The following CAPN8 variants were observed in gnomAD, a reference collection of about 807,000 sequenced individuals.
CAPN8 encodes calpain 8, also known as calpain-8.
CAPN8 carries 87 observed loss-of-function variants against 80.9 expected under a neutral mutation model. The observed-to-expected ratio is 1.07, with a 90% CI of 0.90 to 1.28. CAPN8 has a LOEUF of 1.28. Ranked by LOEUF, CAPN8 falls within the 50% of genes most tolerant of loss-of-function variation. The pLI is 0.00. For synonymous variants in CAPN8, 299 were observed against 273.8 expected, an observed-to-expected ratio of 1.09 and a Z score of -0.91; for missense variants, 757 against 702.0, an observed-to-expected ratio of 1.08 and a Z score of -0.89.
chr1:223,618,174 G>C, intron 9 of CAPN8: 1 of 1,521,802 alleles, frequency 6.6e-7, no homozygotes, highest in Non-Finnish European at 8.9e-7. Flanking sequence ...GAGGTGAAAA[G>C]TAGAGAGAGC....
At position 223,616,136 on chromosome 1, in the gene CAPN8, C is replaced by G. The variant is rs964681738; in HGVS notation, c.1145G>C (p.Trp382Ser). The G allele has an allele frequency of 4.5e-6, 7 of 1,546,660 alleles. No individual in the cohort carries two copies. In the Admixed American group the frequency reaches 1.2e-4, roughly 26 times the overall value. The stretch of plus-strand genomic sequence containing the variant: ...ACGGATTTTGAACTGGGGATTGGTC[C>G]AGTACGTGGCTGGAAGTCACCCAGG... ...GGCQNYPATYWTNPQFKIRLD... is the reference protein window; with the variant it reads ...GGCQNYPATYSTNPQFKIRLD... Residue 382 changes from tryptophan (W) to serine (S), a missense_variant, in exon 10 of 21, where the codon TGG becomes TCG. Trp to Ser is a radical substitution (Grantham distance 177, BLOSUM62 -3). Coordinates refer to ENST00000366872, the MANE Select transcript of CAPN8 (RefSeq NM_001143962.2).
intron 10 of CAPN8, among the ~76,000 whole-genome samples, chr1:223,614,123 G>A (rs1170634089): frequency 2.6e-5 from 4 of 152,168 alleles, no homozygotes; most frequent in Non-Finnish European, 5.9e-5. Context: ...GCCTGGCTGA[G>A]TGCAGTGGCT....
intron 20 of CAPN8, among the ~76,000 whole-genome samples, chr1:223,542,764 A>G (rs1456907509): frequency 1.3e-5 from 2 of 152,120 alleles, no homozygotes; most frequent in Non-Finnish European, 2.9e-5. Flanking sequence ...TGTTTCCTAC[A>G]TCCTTCCATA....
At chr1:223,545,336 T>G (rs957650083) in intron 16 of CAPN8, 37 bp from the exon 17 acceptor site, 3 of 1,551,406 alleles carry the variant, frequency 1.9e-6, no homozygotes, top group Non-Finnish European at 8.7e-7. Flanking sequence ...TGAGTCCAAA[T>G]TCTACATGCC....
chr1:223,625,765 T>G (rs776218517), intron 6 of CAPN8, 40 bp downstream of exon 6: 1 of 1,490,112 alleles, frequency 6.7e-7, no homozygotes, highest in Non-Finnish European at 9.2e-7. Flanking sequence ...CATGGAAATA[T>G]TATCACACGT....
intron 6 of CAPN8, 55 bp from the exon 7 acceptor site, chr1:223,622,955 C>CA: frequency 7.2e-7 from 1 of 1,385,212 alleles, no homozygotes; most frequent in Non-Finnish European, 1.0e-6. Context: ...TGTTGCCTTG[C>CA]AGGCATGTCT....
At chr1:223,637,943 A>G (rs915946000) in intron 2 of CAPN8, among the ~76,000 whole-genome samples, 11 of 152,184 alleles carry the variant, frequency 7.2e-5, no homozygotes, top group Non-Finnish European at 1.6e-4. Context: ...TTATTGTGCA[A>G]GATCATCTGA....
At chr1:223,615,433 G>A (rs979274469) in intron 10 of CAPN8, among the ~76,000 whole-genome samples, 3 of 152,226 alleles carry the variant, frequency 2.0e-5, no homozygotes, top group South Asian at 2.1e-4. Flanking sequence ...GGACTGCAGC[G>A]TGAGCCCAGA....
intron 2 of CAPN8, among the ~76,000 whole-genome samples, chr1:223,638,379 A>G (rs61825223): frequency 0.38 from 57,900 of 151,218 alleles, 12,098 homozygotes; most frequent in Non-Finnish European, 0.49. Flanking sequence ...GTGTGTGTGT[A>G]TGTGGTCTCC....
chr1:223,665,544 G>A lies in CAPN8; in HGVS notation c.103C>T (p.Leu35=), dbSNP rs1450728857. The change falls in exon 1 of 21, where the codon CTG becomes TTG. Residue 35 remains leucine, a synonymous_variant. Transcript: ENST00000366872. Reference sequence around the variant, plus strand: ...CCTGAGTCCAAGCACTGTTGCCTCAGGGTCTTGAAATCCTGGCCCAAGTAC... The same window carrying A: ...CCTGAGTCCAAGCACTGTTGCCTCAAGGTCTTGAAATCCTGGCCCAAGTAC... ...LKYLGQDFKT[L]RQQCLDSGVL... is the part of the protein sequence containing the mutation. 2 of 1,551,716 alleles carry A rather than the reference G, an allele frequency of 1.3e-6. No individual in the cohort carries two copies. The highest frequency in any genetic ancestry group is 1.7e-6 in the Non-Finnish European group (2 of 1,147,006).
At chr1:223,646,706 G>C (rs1488229498) in intron 2 of CAPN8, among the ~76,000 whole-genome samples, 1 of 152,188 alleles carries the variant, frequency 6.6e-6, no homozygotes, top group East Asian at 1.9e-4. Context: ...AAGTCAGAGA[G>C]AGCTGAAGAA....
At chr1:223,545,058 A>G in intron 17 of CAPN8, 173 bp downstream of exon 17, 1 of 1,385,070 alleles carries the variant, frequency 7.2e-7, no homozygotes, top group Non-Finnish European at 9.7e-7. Context: ...CTTTCAGGGC[A>G]GTGGTTGGCA....
rs527285710 is a variant in CAPN8, at chr1:223,628,831, C to T, written c.308-51G>A. The T allele has an allele frequency of 2.7e-4, 386 of 1,431,376 alleles. No homozygotes were observed. The African/African-American group carries it at 4.8e-3, about 18-fold the overall frequency. The allele number at this position is 1,431,376 out of a possible 1,614,324, so 88.7% of individuals were successfully genotyped here. On this transcript the variant is annotated intron_variant, in intron 2 of 20. Coordinates refer to ENST00000366872, the MANE Select transcript of CAPN8 (RefSeq NM_001143962.2). ...ATTGGTCAGGCCCAGCCTGCAGGGGCCCTGCTTTCTCTGACCCTGTCCCAT... is the reference window on the plus strand; with the variant it reads ...ATTGGTCAGGCCCAGCCTGCAGGGGTCCTGCTTTCTCTGACCCTGTCCCAT...
At chr1:223,656,850 A>AT (rs536402320) in intron 1 of CAPN8, among the ~76,000 whole-genome samples, 2 of 151,366 alleles carry the variant, frequency 1.3e-5, no homozygotes, top group African/African-American at 4.9e-5. Context: ...CGCCCAGCTA[A>AT]TTTTTTGTAT....
chr1:223,622,216 C>CA (rs1309136554), intron 7 of CAPN8, among the ~76,000 whole-genome samples: 2 of 152,172 alleles, frequency 1.3e-5, no homozygotes, highest in African/African-American at 4.8e-5. Context: ...ATGATGGGGA[C>CA]ATGGATTCCA....
At chr1:223,544,209 C>T (rs1450925075) in intron 18 of CAPN8, 26 bp from the exon 19 acceptor site, 10 of 716,618 alleles carry the variant, frequency 1.4e-5, no homozygotes, top group Non-Finnish European at 2.6e-5. Context: ...GCCTGGGTCA[C>T]AGGTAGAGTG....
rs768124871 is a variant in CAPN8 at position 223,652,152 on chromosome 1, G to A, written c.307+2178C>T. ...GTTTTAAAAAAATCCCAGCCTGGAC[G>A]ACATGGCAAAACCCTGTCTCTACAA... On this transcript the variant is annotated intron_variant, in intron 2 of 20. Transcript: ENST00000366872. Among the ~76,000 whole-genome samples the A allele has an allele frequency of 3.2e-4, 49 of 152,154 alleles. 1 individual carries two copies. Among genetic ancestry groups the A allele is most frequent in the Non-Finnish European group, 7.4e-5 (5 of 67,982 alleles).
At chr1:223,554,540 A>G (rs1656864069) in intron 13 of CAPN8, among the ~76,000 whole-genome samples, 1 of 152,160 alleles carries the variant, frequency 6.6e-6, no homozygotes, top group Non-Finnish European at 1.5e-5. Flanking sequence ...GTGAGCCAAG[A>G]CTGTGCCACT....
intron 2 of CAPN8, among the ~76,000 whole-genome samples, chr1:223,642,264 T>C (rs1658063530): frequency 6.6e-6 from 1 of 151,454 alleles, no homozygotes; most frequent in Non-Finnish European, 1.5e-5. Context: ...AACAAAGAGT[T>C]TCGAAGATTA....
Sources: allele counts gnomAD v4.1 joint callset (sites outside exome capture counted in the v4.1 genomes callset), GRCh38; gene constraint gnomAD v4.1.1; transcripts MANE v1.5; gene names NCBI Gene and HGNC (gene_info 2026-07-23, HGNC 2026-07-21).